TUB: variants seen among roughly 807,000 people sequenced by gnomAD.
TUB encodes the protein TUB bipartite transcription factor, also known as tubby protein homolog.
TUB carries 33 observed loss-of-function variants against 59.7 expected under a neutral mutation model. The observed-to-expected ratio is 0.55, with a 90% CI of 0.42 to 0.74. TUB has a LOEUF of 0.74. Among genes scored for constraint, TUB ranks in the 30% least tolerant of loss-of-function variants. The pLI is 0.00. For synonymous variants in TUB, 293 were observed against 256.4 expected (o/e 1.14, Z -1.36); for missense variants, 659 against 672.0 (o/e 0.98, Z 0.21).
Position 8,102,696 on chromosome 11 carries a change from G to A in TUB, c.*1077G>A, listed in dbSNP as rs1300779098. The A allele has an allele frequency of 1.3e-5, 2 of 152,208 alleles. No individual in the cohort carries two copies. Among genetic ancestry groups the A allele is most frequent in the Admixed American group, 6.5e-5 (1 of 15,282 alleles). The allele number at this position is 152,208 out of a possible 1,614,324, so 9.4% of individuals were successfully genotyped here. ...TAGGTTCTTGGGAGGGAATGGGACA[G>A]GGTGAATAAAGCAGGGAATATTTTA... On this transcript the variant is annotated 3_prime_UTR_variant, in exon 12 of 12. Transcript: ENST00000299506.
At chr11:8,049,588 TAG>T (rs1295106719) in intron 2 of TUB, among the ~76,000 whole-genome samples, 1 of 141,534 alleles carries the variant, frequency 7.1e-6, no homozygotes, top group Non-Finnish European at 1.5e-5. Context: ...TATAGATAGA[TAG>T]ATAGATAGAT....
At chr11:8,074,736 T>G (rs1943418658) in intron 2 of TUB, among the ~76,000 whole-genome samples, 2 of 126,080 alleles carry the variant, frequency 1.6e-5, no homozygotes, top group East Asian at 2.7e-4. Context: ...TGAGACCTCG[T>G]GTCTTTTTTT....
intron 2 of TUB, chr11:8,067,955 G>GAGCC (rs1943277911): frequency 6.6e-6 from 1 of 152,312 alleles, no homozygotes; most frequent in African/African-American, 2.4e-5. Flanking sequence ...GTTCCCTGAG[G>GAGCC]AGCCACTGTC....
chr11:8,071,900 A>G (rs1943366383), intron 2 of TUB, among the ~76,000 whole-genome samples: 1 of 152,206 alleles, frequency 6.6e-6, no homozygotes, highest in Admixed American at 6.5e-5. Flanking sequence ...GACCCCAGAA[A>G]TCCTCAGAAG....
rs1025081672 is a variant in TUB at position 8,101,744 on chromosome 11, G to A, written c.*125G>A. On this transcript the variant is annotated 3_prime_UTR_variant, in exon 12 of 12. Coordinates refer to ENST00000299506, the MANE Select transcript of TUB (RefSeq NM_177972.3). ...CCAGATGAAGCTTTGGCCCTCAGTG[G>A]GCTCCCTGGCCCAGCCAGCCAGGAA... 15 of 1,447,334 alleles carry A rather than the reference G, an allele frequency of 1.0e-5. No individual in the cohort carries two copies. The African/African-American group carries it at 1.3e-4, about 12-fold the overall frequency. The allele number at this position is 1,447,334 out of a possible 1,614,324, so 89.7% of individuals were successfully genotyped here. A position where few individuals can be genotyped will look rare whatever the true frequency, so the allele number is the denominator to read the frequency against.
chr11:8,077,012 C>G (rs1333070573), upstream of TUB: 3 of 152,126 alleles, frequency 2.0e-5, no homozygotes, highest in Non-Finnish European at 4.4e-5. Context: ...TTTATCTGGC[C>G]ACCCATAGTT....
At chr11:8,052,887 A>C (rs1942955392) in intron 2 of TUB, among the ~76,000 whole-genome samples, 1 of 152,234 alleles carries the variant, frequency 6.6e-6, no homozygotes, top group Non-Finnish European at 1.5e-5. Flanking sequence ...TATTAATTCT[A>C]ATAGTTTTTC....
intron 1 of TUB, among the ~76,000 whole-genome samples, chr11:8,023,110 T>A (rs1431738509): frequency 6.6e-6 from 1 of 152,192 alleles, no homozygotes; most frequent in Non-Finnish European, 1.5e-5. Context: ...CTGGGCCTTC[T>A]CTCCACGTGC....
chr11:8,066,866 T>TCAC (rs985771240), intron 2 of TUB, among the ~76,000 whole-genome samples: 2 of 152,188 alleles, frequency 1.3e-5, no homozygotes, highest in African/African-American at 4.8e-5. Context: ...CTAGTCCTTG[T>TCAC]CACCCTGGGA....
intron 1 of TUB, 79 bp from the exon 2 acceptor site, chr11:8,089,531 A>G (rs1187728558): frequency 6.4e-7 from 1 of 1,571,436 alleles, no homozygotes; most frequent in Non-Finnish European, 8.7e-7. Context: ...ACGGGCCCAG[A>G]TATGCTGGGG....
chr11:8,078,708 C>T (rs888213426), upstream of TUB, among the ~76,000 whole-genome samples: 3 of 152,122 alleles, frequency 2.0e-5, no homozygotes, highest in African/African-American at 4.8e-5. Flanking sequence ...AGGGCCATCT[C>T]TCACACACAT....
At chr11:8,034,830 T>C (rs904885838), upstream of TUB, among the ~76,000 whole-genome samples, 3 of 152,192 alleles carry the variant, frequency 2.0e-5, no homozygotes, top group African/African-American at 7.2e-5. Flanking sequence ...TGCCACCTTA[T>C]GACTCACTAT....
At chr11:8,048,077 T>G (rs565904904) in intron 2 of TUB, among the ~76,000 whole-genome samples, 21 of 152,248 alleles carry the variant, frequency 1.4e-4, no homozygotes, top group Non-Finnish European at 2.8e-4. Flanking sequence ...GAGCACTCAG[T>G]AAATAATTTT....
At chr11:8,061,029 C>T (rs1031050047) in intron 2 of TUB, among the ~76,000 whole-genome samples, 1 of 152,342 alleles carries the variant, frequency 6.6e-6, no homozygotes, top group South Asian at 2.1e-4. Flanking sequence ...GTCCCCAGCC[C>T]CAGGCATCAG....
chr11:8,049,341 G>A (rs1942889680), intron 2 of TUB, among the ~76,000 whole-genome samples: 1 of 152,024 alleles, frequency 6.6e-6, no homozygotes, highest in Non-Finnish European at 1.5e-5. Context: ...GTGCCGTATT[G>A]GAGGCCATCC....
intron 2 of TUB, among the ~76,000 whole-genome samples, chr11:8,041,941 A>G (rs1243333651): frequency 6.6e-6 from 1 of 152,142 alleles, no homozygotes; most frequent in Non-Finnish European, 1.5e-5. Context: ...GCCTGCTCCA[A>G]TTCCTCCACA....
At chr11:8,097,644 T>G in intron 7 of TUB, 70 bp from the exon 8 acceptor site, 1 of 1,399,412 alleles carries the variant, frequency 7.1e-7, no homozygotes, top group Non-Finnish European at 1.0e-6. Flanking sequence ...AGAGTCTGTG[T>G]GAGTGGCTCT....
chr11:8,069,647 C>T (rs1428057009), intron 2 of TUB, among the ~76,000 whole-genome samples: 3 of 152,204 alleles, frequency 2.0e-5, no homozygotes, highest in Admixed American at 6.5e-5. Flanking sequence ...TAGCCGTCAT[C>T]GGAAATGTCT....
chr11:8,020,001 C>G (rs908614869), intron 1 of TUB, among the ~76,000 whole-genome samples: 50 of 152,178 alleles, frequency 3.3e-4, no homozygotes, highest in Admixed American at 1.6e-3. Flanking sequence ...GCTGCGCTCC[C>G]CACGCACTCG....
Sources: allele counts gnomAD v4.1 joint callset (sites outside exome capture counted in the v4.1 genomes callset), GRCh38; gene constraint gnomAD v4.1.1; transcripts MANE v1.5; gene names NCBI Gene and HGNC (gene_info 2026-07-23, HGNC 2026-07-21).